CTNNA2: variants seen among roughly 807,000 people sequenced by gnomAD.
CTNNA2 encodes the protein catenin alpha 2.
In CTNNA2, 42 loss-of-function variants were observed where a neutral mutation model predicts 101.0. That is an observed-to-expected ratio of 0.42 (90% CI 0.32 to 0.54). The LOEUF (loss-of-function observed/expected upper bound fraction) is 0.54. CTNNA2 is among the 20% of genes least tolerant of loss of function. CTNNA2 has a pLI of 0.14. For synonymous variants in CTNNA2, 450 were observed against 456.4 expected (o/e 0.99, Z 0.18); for missense variants, 871 against 1,223.1 (o/e 0.71, Z 4.29).
At chr2:80,146,449 G>A (rs1444940120) in intron 7 of CTNNA2, among the ~76,000 whole-genome samples, 1 of 151,910 alleles carries the variant, frequency 6.6e-6, no homozygotes, top group Non-Finnish European at 1.5e-5. Flanking sequence ...GTCCCTAATG[G>A]CCTAGTTGAC....
intron 7 of CTNNA2, among the ~76,000 whole-genome samples, chr2:79,936,629 T>C (rs1254729260): frequency 6.6e-6 from 1 of 152,156 alleles, no homozygotes; most frequent in Non-Finnish European, 1.5e-5. Context: ...TTCTTTCTTT[T>C]GGATACTGGC....
At chr2:80,595,772 T>TA (rs1270492124) in intron 15 of CTNNA2, among the ~76,000 whole-genome samples, 25 of 152,310 alleles carry the variant, frequency 1.6e-4, no homozygotes, top group African/African-American at 5.5e-4. Context: ...TGTAGCTTTG[T>TA]AGTTTAGTTT....
intron 1 of CTNNA2, among the ~76,000 whole-genome samples, chr2:79,527,856 CTG>C (rs1181197671): frequency 6.6e-6 from 1 of 152,108 alleles, no homozygotes; most frequent in Non-Finnish European, 1.5e-5. Context: ...ACACCAAACT[CTG>C]TACATTTATA....
At chr2:80,277,430 C>G (rs1463980200) in intron 7 of CTNNA2, among the ~76,000 whole-genome samples, 3 of 151,600 alleles carry the variant, frequency 2.0e-5, no homozygotes, top group African/African-American at 7.3e-5. Flanking sequence ...TATGACTGGC[C>G]ACCATCTTGA....
chr2:80,149,034 T>A lies in CTNNA2; in HGVS notation c.1056+239237T>A, dbSNP rs867481433. ...TGACTTATTTTGTTATTTTTTTTTT[T>A]TTTTTTTTTTTAAGACAAGTTATTT... is the stretch of plus-strand genomic sequence containing the variant. On this transcript the variant is annotated intron_variant, in intron 7 of 18. Coordinates refer to ENST00000402739, the MANE Select transcript of CTNNA2 (RefSeq NM_001282597.3). 9.9e-5 allele frequency among the ~76,000 whole-genome samples: 15 copies of A among 151,560 alleles called. No homozygotes were observed. The East Asian group carries it at 2.7e-3, about 27-fold the overall frequency.
At chr2:79,198,468 A>G (rs927139295) in intron 2 of CTNNA2, among the ~76,000 whole-genome samples, 1 of 152,230 alleles carries the variant, frequency 6.6e-6, no homozygotes, top group Non-Finnish European at 1.5e-5. Flanking sequence ...AATCACAAAG[A>G]AAATTTATCC....
intron 7 of CTNNA2, among the ~76,000 whole-genome samples, chr2:80,290,578 C>A (rs1245042198): frequency 6.6e-6 from 1 of 151,808 alleles, no homozygotes; most frequent in Non-Finnish European, 1.5e-5. Flanking sequence ...CCACTGCCCC[C>A]TTGAAAATAC....
chr2:80,438,136 GCCTCTCTTGGCTTAC>G, intron 9 of CTNNA2, among the ~76,000 whole-genome samples: 1 of 152,178 alleles, frequency 6.6e-6, no homozygotes, highest in South Asian at 2.1e-4. Context: ...TTCTCCTGAG[GCCTCTCTTGGCTTAC>G]AGATGCCATC....
chr2:79,471,222 T>C (rs902725460), intron 4 of CTNNA2, among the ~76,000 whole-genome samples: 4 of 152,192 alleles, frequency 2.6e-5, no homozygotes, highest in Non-Finnish European at 4.4e-5. Flanking sequence ...ATGTGATTAT[T>C]AGCTGTTGGA....
chr2:79,478,667 C>T (rs138527727), intron 4 of CTNNA2, among the ~76,000 whole-genome samples: 1 of 152,114 alleles, frequency 6.6e-6, no homozygotes, highest in Non-Finnish European at 1.5e-5. Flanking sequence ...TTAGGAGATA[C>T]CCTTTGGCCA....
At chr2:79,877,892 G>C (rs1683145437) in intron 6 of CTNNA2, among the ~76,000 whole-genome samples, 1 of 152,064 alleles carries the variant, frequency 6.6e-6, no homozygotes, top group South Asian at 2.1e-4. Context: ...AAAATGTGCA[G>C]GTTTGTTATC....
chr2:80,271,198 TC>T (rs1188510286), intron 7 of CTNNA2, among the ~76,000 whole-genome samples: 1 of 152,034 alleles, frequency 6.6e-6, no homozygotes, highest in Admixed American at 6.6e-5. Flanking sequence ...TCTGTCTTTA[TC>T]CCCCCCTTGG....
At chr2:79,835,398 T>G (rs1679245916) in intron 3 of CTNNA2, among the ~76,000 whole-genome samples, 1 of 152,186 alleles carries the variant, frequency 6.6e-6, no homozygotes, top group Admixed American at 6.5e-5. Flanking sequence ...TGACCCAACA[T>G]TTTAGTCATC....
chr2:80,507,250 T>A (rs1357212391), intron 9 of CTNNA2, among the ~76,000 whole-genome samples: 1 of 152,236 alleles, frequency 6.6e-6, no homozygotes, highest in Non-Finnish European at 1.5e-5. Context: ...GCGACGGATG[T>A]ATCTTAACAG....
chr2:80,059,594 A>G (rs1697439510), intron 7 of CTNNA2, among the ~76,000 whole-genome samples: 1 of 152,218 alleles, frequency 6.6e-6, no homozygotes, highest in African/African-American at 2.4e-5. Context: ...CACTGATTCC[A>G]TAATGATTCT....
rs556513428 is a variant in CTNNA2 at position 79,671,561 on chromosome 2, G to A, written c.102+19903G>A. 1.8e-4 allele frequency among the ~76,000 whole-genome samples: 27 copies of A among 152,310 alleles called. 2 individuals are homozygous for A. The South Asian group carries it at 5.6e-3, about 32-fold the overall frequency. On this transcript the variant is annotated intron_variant, in intron 2 of 18. Coordinates refer to ENST00000402739, the MANE Select transcript of CTNNA2 (RefSeq NM_001282597.3). Reference sequence around the variant, plus strand: ...GGAATCAAGACTAAGGCTTGAACATGTATCTTTTGAAAAGGAATGGATTTC... The same window carrying A: ...GGAATCAAGACTAAGGCTTGAACATATATCTTTTGAAAAGGAATGGATTTC...
chr2:79,592,609 C>A (rs967144768), intron 1 of CTNNA2, among the ~76,000 whole-genome samples: 2 of 152,094 alleles, frequency 1.3e-5, no homozygotes, highest in Admixed American at 1.3e-4. Context: ...CACACATACC[C>A]CACACAAACT....
At chr2:79,742,971 C>T (rs963747463) in intron 2 of CTNNA2, among the ~76,000 whole-genome samples, 2 of 152,136 alleles carry the variant, frequency 1.3e-5, no homozygotes, top group African/African-American at 4.8e-5. Flanking sequence ...ATCTCTTTCT[C>T]TATAAACTGA....
intron 1 of CTNNA2, among the ~76,000 whole-genome samples, chr2:79,633,013 G>A (rs149759887): frequency 1.5e-4 from 23 of 152,294 alleles, no homozygotes; most frequent in Middle Eastern, 6.8e-3. Context: ...TCACTGGGGG[G>A]CTGTAGTTTG....
Sources: gnomAD v4.1 joint callset for allele counts (sites outside exome capture counted in the v4.1 genomes callset) on GRCh38, gnomAD v4.1.1 for gene constraint, MANE v1.5 for transcripts, NCBI Gene and HGNC (gene_info 2026-07-23, HGNC 2026-07-21) for gene names.